Variants in RPN1 observed in about 807,000 individuals in gnomAD.
RPN1 encodes the protein dolichyl-diphosphooligosaccharide--protein glycosyltransferase subunit 1.
Under a neutral mutation model 55.5 loss-of-function variants are expected in RPN1, and 12 were observed. The ratio of observed to expected loss-of-function variants is 0.22; its 90% CI spans 0.14 to 0.35. The LOEUF is 0.35. Ranked by LOEUF, RPN1 falls within the 10% of genes least tolerant of loss-of-function variation. RPN1 has a pLI of 1.00. For missense variants in RPN1, 679 were observed against 761.3 expected (o/e 0.89, Z 1.27); for synonymous variants, 317 against 305.9 (o/e 1.04, Z -0.38).
chr3:128,650,528 G>A lies in RPN1; in HGVS notation c.261+12C>T, dbSNP rs1173072425. 5 of 1,527,274 alleles carry A rather than the reference G, an allele frequency of 3.3e-6. No individual in the cohort carries two copies. In the African/African-American group the frequency reaches 4.1e-5, roughly 13 times the overall value. 94.6% of individuals were successfully genotyped at this position (1,527,274 alleles called of 1,614,324 possible). A position where few individuals can be genotyped will look rare whatever the true frequency, so the allele number is the denominator to read the frequency against. On this transcript the variant is annotated intron_variant, in intron 1 of 9. Transcript: ENST00000296255. Reference sequence around the variant, plus strand: ...GTCCCGGGAGCGGCGGCGAGGGGTCGCCCACACTCACCTGCACGCCCAGGT... The same window carrying A: ...GTCCCGGGAGCGGCGGCGAGGGGTCACCCACACTCACCTGCACGCCCAGGT...
chr3:128,650,495 C>CG (rs2069809582), intron 1 of RPN1, 45 bp downstream of exon 1: 1 of 1,493,700 alleles, frequency 6.7e-7, no homozygotes, highest in African/African-American at 1.4e-5. Context: ...GGAAGGGAGG[C>CG]GGGAAGGGTC....
At chr3:128,638,730 C>T (rs1051126022) in intron 2 of RPN1, among the ~76,000 whole-genome samples, 9 of 151,782 alleles carry the variant, frequency 5.9e-5, no homozygotes, top group African/African-American at 2.2e-4. Context: ...CTTTGGGAGG[C>T]CAAGTCAGGT....
At position 128,626,021 on chromosome 3, in the gene RPN1, A is replaced by T. The variant is rs771866323; in HGVS notation, c.1137-9T>A. 1 of 1,591,694 alleles carries T rather than the reference A, an allele frequency of 6.3e-7. No individual in the cohort carries two copies. Among genetic ancestry groups the T allele is most frequent in the East Asian group, 2.2e-5 (1 of 44,656 alleles). ...TATCAATTTCAATGTTCCTGGAAGA[A>T]GATGGGAATAAAATATAGCCTCCAA... On this transcript the variant is annotated splice_polypyrimidine_tract_variant and intron_variant, in intron 6 of 9. Transcript: ENST00000296255.
At chr3:128,626,203 T>C (rs1037687033) in intron 6 of RPN1, among the ~76,000 whole-genome samples, 191 bp from the exon 7 acceptor site, 1 of 152,178 alleles carries the variant, frequency 6.6e-6, no homozygotes, top group Non-Finnish European at 1.5e-5. Flanking sequence ...GAAAGCCCTT[T>C]GTTTTAAAGC....
intron 5 of RPN1, among the ~76,000 whole-genome samples, chr3:128,627,454 ACCAT>A (rs2069607627): frequency 2.0e-5 from 3 of 152,146 alleles, no homozygotes; most frequent in African/African-American, 7.2e-5. Context: ...GCCACTCTAA[ACCAT>A]CCCTCCTTCG....
At chr3:128,641,290 G>C (rs1349842359) in intron 2 of RPN1, among the ~76,000 whole-genome samples, 1 of 152,058 alleles carries the variant, frequency 6.6e-6, no homozygotes, top group African/African-American at 2.4e-5. Flanking sequence ...TGAATAAAAT[G>C]GTAAGCTATG....
chr3:128,637,490 G>C (rs1431195226), intron 3 of RPN1, among the ~76,000 whole-genome samples: 1 of 152,044 alleles, frequency 6.6e-6, no homozygotes, highest in Non-Finnish European at 1.5e-5. Context: ...TGCTACCCCA[G>C]TATCTGCCCA....
intron 1 of RPN1, among the ~76,000 whole-genome samples, chr3:128,647,516 T>G (rs1250654170): frequency 6.6e-6 from 1 of 151,866 alleles, no homozygotes; most frequent in African/African-American, 2.4e-5. Flanking sequence ...AGACCCCATC[T>G]CTGAAAAAAC....
intron 8 of RPN1, among the ~76,000 whole-genome samples, chr3:128,622,665 T>A (rs151003120): frequency 2.1e-4 from 32 of 151,934 alleles, no homozygotes; most frequent in African/African-American, 7.7e-4. Flanking sequence ...GAGGCCAAGG[T>A]GGGCAGATCA....
At position 128,632,894 on chromosome 3, in the gene RPN1, A is replaced by C. The variant is rs376407920; in HGVS notation, c.634-737T>G. Among the ~76,000 whole-genome samples, 5 of 152,098 alleles carry C rather than the reference A, an allele frequency of 3.3e-5. No individual in the cohort carries two copies. In the East Asian group the frequency reaches 9.7e-4, roughly 29 times the overall value. On this transcript the variant is annotated intron_variant, in intron 3 of 9. Coordinates refer to ENST00000296255, the MANE Select transcript of RPN1 (RefSeq NM_002950.4). ...ACAGGCATGAGCCACCGTGCCCAGC[A>C]AGCCATCGTGCCCAGCCCGATTTCA...
At chr3:128,621,365 T>C (rs1026575843) in intron 9 of RPN1, among the ~76,000 whole-genome samples, 7 of 152,128 alleles carry the variant, frequency 4.6e-5, no homozygotes, top group African/African-American at 1.7e-4. Flanking sequence ...TAGCCAGGCA[T>C]GGTGGTGTGC....
In RPN1 at chr3:128,650,659, T is replaced by G. The variant is rs1374293090; in HGVS notation, c.142A>C (p.Lys48Gln). The change falls in exon 1 of 10, where the codon AAG (lysine) becomes CAG (glutamine). Residue 48 changes from lysine to glutamine, a missense_variant. Lys to Gln is a moderately conservative substitution (Grantham distance 53, BLOSUM62 1). This residue lies in a region of RPN1 where 352 missense variants were observed against 352.8 expected (regional missense o/e 1.00). Transcript: ENST00000296255. ...GCCAGGACCACCTCGGCCGTCACCT[T>G]AGCCAGGTGGCTGCTTAGGTCCACT... ...RTVDLSSHLA[K>Q]VTAEVVLAHL... 1.9e-6 allele frequency: 3 copies of G among 1,565,850 alleles called. 1 individual carries two copies.
At chr3:128,620,638 A>C in intron 9 of RPN1, 45 bp from the exon 10 acceptor site, 2 of 1,577,972 alleles carry the variant, frequency 1.3e-6, no homozygotes, top group African/African-American at 1.4e-5. Context: ...CTGTCCTCCC[A>C]CCCCACTCAG....
rs2107712172 is a variant in RPN1 at position 128,620,558 on chromosome 3, C to T, written c.1677G>A (p.Lys559=). ...CCACCGCCGACTTCAGCACCAGCTC[C>T]TTGACCTGTGCATCCAGCTTCTGCA... ...SEMQKLDAQV[K]ELVLKSAVEA... The change falls in exon 10 of 10, where the codon AAG becomes AAA. Residue 559 remains lysine, a synonymous_variant. Coordinates refer to ENST00000296255, the MANE Select transcript of RPN1 (RefSeq NM_002950.4). The T allele has an allele frequency of 1.2e-6, 2 of 1,614,040 alleles. No individual in the cohort carries two copies. Among genetic ancestry groups the T allele is most frequent in the East Asian group, 4.5e-5 (2 of 44,888 alleles).
In RPN1 at chr3:128,635,618, T is replaced by G. The variant is rs1369617289; in HGVS notation, c.633+2181A>C. On this transcript the variant is annotated intron_variant, in intron 3 of 9. Transcript: ENST00000296255. ...GCCTGCCCCTATAACTTGAGATATATATATATATATATATATATATAGATA... is the reference window on the plus strand; with the variant it reads ...GCCTGCCCCTATAACTTGAGATATAGATATATATATATATATATATAGATA... 8.1e-3 allele frequency among the ~76,000 whole-genome samples: 188 copies of G among 23,214 alleles called. 1 individual carries two copies. Among genetic ancestry groups the G allele is most frequent in the African/African-American group, 0.044 (167 of 3,804 alleles). 15.2% of individuals were successfully genotyped at this position (23,214 alleles called of 152,430 possible). A position where few individuals can be genotyped will look rare whatever the true frequency, so the allele number is the denominator to read the frequency against.
In RPN1 at chr3:128,638,071, G is replaced by A. The variant is rs532321871; in HGVS notation, c.361C>T (p.Leu121Phe). 1 of 1,613,938 alleles carries A rather than the reference G, an allele frequency of 6.2e-7. No individual in the cohort carries two copies. Among genetic ancestry groups the A allele is most frequent in the Admixed American group, 1.7e-5 (1 of 60,012 alleles). The change falls in exon 3 of 10, where the codon CTT (leucine) becomes TTT (phenylalanine). Residue 121 changes from leucine (L) to phenylalanine (F), a missense_variant. Physicochemically the swap from Leu to Phe is conservative, Grantham distance 22. Transcript: ENST00000296255. ...ACTGAAATCTTGGCCCCAGGATCAA[G>A]AGCAACTGGGAGCTTGACTGTGAAG... The part of the protein sequence containing the change: ...RFFTVKLPVA[L>F]DPGAKISVIV...
chr3:128,622,373 T>C lies in RPN1; in HGVS notation c.1432A>G (p.Ile478Val). The change falls in exon 9 of 10, where the codon ATC (isoleucine) becomes GTC (valine). Residue 478 changes from isoleucine (I) to valine (V), a missense_variant. By Grantham distance (29) the Ile-to-Val change is conservative (BLOSUM62 3). Coordinates refer to ENST00000296255, the MANE Select transcript of RPN1 (RefSeq NM_002950.4). ...ACCAGGGTCAAGACCTGCTCTGTGA[T>C]GCAGGCTACCTTCATCCTGGCTTCT... is the stretch of plus-strand genomic sequence containing the variant. ...AAEARMKVAC[I>V]TEQVLTLVNK... 1 of 1,614,218 alleles carries C rather than the reference T, an allele frequency of 6.2e-7. No homozygotes were observed. The highest frequency in any genetic ancestry group is 1.1e-5 in the South Asian group (1 of 91,088).
intron 6 of RPN1, among the ~76,000 whole-genome samples, chr3:128,626,245 G>A (rs1377961902): frequency 6.6e-6 from 1 of 152,096 alleles, no homozygotes; most frequent in African/African-American, 2.4e-5. Flanking sequence ...CTGTCCCTCT[G>A]AATCCTCCAC....
At chr3:128,635,690 T>TAGATATACAC (rs376139334) in intron 3 of RPN1, among the ~76,000 whole-genome samples, 1 of 138,274 alleles carries the variant, frequency 7.2e-6, no homozygotes, top group African/African-American at 2.7e-5. Flanking sequence ...TCTATAGATA[T>TAGATATACAC]ACACACACAC....
Sources: allele counts gnomAD v4.1 joint callset (sites outside exome capture counted in the v4.1 genomes callset), GRCh38; gene constraint gnomAD v4.1.1; regional missense constraint gnomAD v4.1.1; transcripts MANE v1.5; gene names NCBI Gene and HGNC (gene_info 2026-07-23, HGNC 2026-07-21).